Variants in NCAPD3 observed in about 807,000 individuals in gnomAD.
NCAPD3 encodes the protein non-SMC condensin II complex subunit D3, also known as condensin-2 complex subunit D3.
Under a neutral mutation model 182.9 loss-of-function variants are expected in NCAPD3, and 105 were observed. The observed-to-expected ratio is 0.57, with a 90% CI of 0.49 to 0.68. The LOEUF is 0.68. NCAPD3 is among the 30% of genes least tolerant of loss of function. The pLI is 0.00. For missense variants in NCAPD3, 1,944 were observed against 1,837.0 expected (o/e 1.06, Z -1.07); for synonymous variants, 815 against 679.9 (o/e 1.20, Z -3.09).
intron 3 of NCAPD3, among the ~76,000 whole-genome samples, chr11:134,212,772 G>A (rs186909524): frequency 1.3e-5 from 2 of 152,260 alleles, no homozygotes; most frequent in Admixed American, 1.3e-4. Flanking sequence ...ACTGTGAGAA[G>A]TGCCTACTGC....
chr11:134,192,540 C>T lies in NCAPD3; in HGVS notation c.2045+149G>A, dbSNP rs573737361. ...TAAAAATATCTAAGAGATTGGAAGT[C>T]AGTCAGGGAAAGAGAGACCAATACT... On this transcript the variant is annotated intron_variant, in intron 16 of 34. Transcript: ENST00000534548. 1,170 of 659,278 alleles carry T rather than the reference C, an allele frequency of 1.8e-3. 15 individuals are homozygous for T. The South Asian group carries it at 0.018, about 10-fold the overall frequency. 40.8% of individuals were successfully genotyped at this position (659,278 alleles called of 1,614,324 possible).
rs776227116 is a variant in NCAPD3, at chr11:134,168,523, A to G, written c.3319T>C (p.Phe1107Leu). Reference sequence around the variant, plus strand: ...ATGTTGAATCGCTGTTCATCTGTGAAGTGCTCTAGAAGAAATTTGTAGATT... The same window carrying G: ...ATGTTGAATCGCTGTTCATCTGTGAGGTGCTCTAGAAGAAATTTGTAGATT... The part of the protein sequence containing the change: ...MKIYKFLLEH[F>L]TDEQRFNITS... Residue 1107 changes from phenylalanine to leucine, a missense_variant, in exon 26 of 35, where the codon TTC becomes CTC. Physicochemically the swap from Phe to Leu is conservative, Grantham distance 22. Around this residue, in one of 3 missense-constraint regions of NCAPD3, gnomAD observed 1,803 missense variants for 1,674.6 expected, o/e 1.08. Transcript: ENST00000534548. The G allele has an allele frequency of 3.7e-6, 6 of 1,614,222 alleles. No individual in the cohort carries two copies. The highest frequency in any genetic ancestry group is 5.1e-6 in the Non-Finnish European group (6 of 1,180,028).
chr11:134,205,343 T>G (rs117678422), intron 8 of NCAPD3, among the ~76,000 whole-genome samples: 1 of 152,140 alleles, frequency 6.6e-6, no homozygotes, highest in East Asian at 1.9e-4. Context: ...AATGCATTAG[T>G]AACATTACTT....
Position 134,177,388 on chromosome 11 carries a change from ACCT to A in NCAPD3, c.2849_2851del (p.Glu950del). 6.2e-7 allele frequency: 1 copy of A among 1,614,228 alleles called. No individual in the cohort carries two copies. The highest frequency in any genetic ancestry group is 8.5e-7 in the Non-Finnish European group (1 of 1,180,042). ...GTTGCGGACAGCCACGTCCTCACAC[ACCT>A]CGAGCTCTCGCACCAGGGCTGGGAT... On this transcript the variant is annotated inframe_deletion, in exon 23 of 35. Coordinates refer to ENST00000534548, the MANE Select transcript of NCAPD3 (RefSeq NM_015261.3).
In NCAPD3 at chr11:134,184,965, A is replaced by G. The variant is rs776363092; in HGVS notation, c.2273T>C (p.Ile758Thr). 7.4e-6 allele frequency: 12 copies of G among 1,613,808 alleles called. No individual in the cohort carries two copies. The highest frequency in any genetic ancestry group is 1.6e-4 in the Middle Eastern group (1 of 6,084). The part of the protein sequence containing the change: ...QNPNSNTLGH[I>T]LCVIGHIAKH... ...TGCAATATGCCCAATCACACAGAGA[A>G]TATGTCCTAAGGTGTTTGAATTGGG... is the stretch of plus-strand genomic sequence containing the variant. Residue 758 changes from isoleucine to threonine, a missense_variant, in exon 18 of 35, where the codon ATT becomes ACT. Physicochemically the swap from Ile to Thr is moderately conservative, Grantham distance 89 (BLOSUM62 -1). Around this residue, in one of 3 missense-constraint regions of NCAPD3, gnomAD observed 1,803 missense variants for 1,674.6 expected, o/e 1.08. Transcript: ENST00000534548.
chr11:134,199,307 T>A (rs1485929730), intron 13 of NCAPD3, among the ~76,000 whole-genome samples: 1 of 152,178 alleles, frequency 6.6e-6, no homozygotes, highest in East Asian at 1.9e-4. Context: ...AAAAGCTCTG[T>A]CTATCCTTTC....
rs1591838458 is a variant in NCAPD3 at position 134,178,939 on chromosome 11, A to G, written c.2560-3T>C. ...CCTAAGGTAAAAATGTACTTCACCT[A>G]CAAAGATAATTGGTTTTACAGTAAA... On this transcript the variant is annotated splice_polypyrimidine_tract_variant and splice_region_variant and intron_variant, in intron 20 of 34. Coordinates refer to ENST00000534548, the MANE Select transcript of NCAPD3 (RefSeq NM_015261.3). 4 of 1,602,986 alleles carry G rather than the reference A, an allele frequency of 2.5e-6. No homozygotes were observed. In the East Asian group the frequency reaches 8.9e-5, roughly 36 times the overall value.
chr11:134,202,129 C>T (rs1944762564), intron 13 of NCAPD3, among the ~76,000 whole-genome samples: 1 of 152,186 alleles, frequency 6.6e-6, no homozygotes, highest in Non-Finnish European at 1.5e-5. Context: ...CGGGAAGGAC[C>T]AGATCAAGGT....
intron 24 of NCAPD3, 113 bp downstream of exon 24, chr11:134,176,194 G>T: frequency 1.1e-6 from 1 of 890,290 alleles, no homozygotes; most frequent in Non-Finnish European, 1.8e-6. Flanking sequence ...GGCACCTACC[G>T]AAAGCTCACT....
At chr11:134,178,960 G>T in intron 20 of NCAPD3, 24 bp from the exon 21 acceptor site, 4 of 1,537,384 alleles carry the variant, frequency 2.6e-6, no homozygotes, top group Non-Finnish European at 2.7e-6. Flanking sequence ...TGGTTTTACA[G>T]TAAAAATAAG....
At chr11:134,210,883 T>C (rs1396208549) in intron 3 of NCAPD3, among the ~76,000 whole-genome samples, 2 of 152,148 alleles carry the variant, frequency 1.3e-5, no homozygotes, top group African/African-American at 2.4e-5. Flanking sequence ...ATTATAATGG[T>C]CTTACTATGT....
intron 3 of NCAPD3, among the ~76,000 whole-genome samples, chr11:134,212,029 A>T (rs1483990817): frequency 6.6e-6 from 1 of 152,192 alleles, no homozygotes; most frequent in East Asian, 1.9e-4. Context: ...GCACAGAGGC[A>T]ATCACAACAA....
intron 19 of NCAPD3, among the ~76,000 whole-genome samples, chr11:134,181,449 C>T (rs1489644497): frequency 2.0e-5 from 3 of 152,104 alleles, no homozygotes; most frequent in Non-Finnish European, 2.9e-5. Context: ...GAGCAAAAGG[C>T]CAAATATTTA....
intron 24 of NCAPD3, among the ~76,000 whole-genome samples, chr11:134,174,212 T>C (rs1478049982): frequency 2.0e-5 from 3 of 150,922 alleles, no homozygotes; most frequent in East Asian, 3.9e-4. Flanking sequence ...CAAAAACGTG[T>C]CTCTACAAAA....
chr11:134,220,499 T>G, intron 2 of NCAPD3, 73 bp downstream of exon 2: 1 of 1,437,484 alleles, frequency 7.0e-7, no homozygotes, highest in Non-Finnish European at 9.6e-7. Flanking sequence ...AAGCTAAGCT[T>G]CAGATTATAA....
rs61745219 is a variant in NCAPD3 at position 134,156,798 on chromosome 11, G to C, written c.4252+220C>G. The C allele has an allele frequency of 5.3e-4, 229 of 435,054 alleles. 2 individuals carry two copies. The highest frequency in any genetic ancestry group is 4.2e-3 in the African/African-American group (206 of 49,584). 26.9% of individuals were successfully genotyped at this position (435,054 alleles called of 1,614,324 possible). ...TGCTCCGCGGGCCACTGTGGTGTTT[G>C]ACTGACTGAATGTAACGACACTGGA... On this transcript the variant is annotated intron_variant, in intron 32 of 34. Coordinates refer to ENST00000534548, the MANE Select transcript of NCAPD3 (RefSeq NM_015261.3).
rs192496812 is a variant in NCAPD3 at position 134,170,038 on chromosome 11, C to T, written c.3102-984G>A. On this transcript the variant is annotated intron_variant, in intron 24 of 34. Transcript: ENST00000534548. The stretch of plus-strand genomic sequence containing the variant: ...TGTGTAGGAGACTGACTTCTCCTTT[C>T]CCCAGTGGTGCTCCTTATGCCAAAA... 2.5e-3 allele frequency among the ~76,000 whole-genome samples: 375 copies of T among 152,296 alleles called. 1 individual carries two copies. The Middle Eastern group carries it at 0.027, about 11-fold the overall frequency.
chr11:134,164,232 C>G (rs1320009478), intron 27 of NCAPD3, among the ~76,000 whole-genome samples: 1 of 152,216 alleles, frequency 6.6e-6, no homozygotes, highest in African/African-American at 2.4e-5. Flanking sequence ...CAACAAAAGC[C>G]TCAGCCTGAC....
chr11:134,153,310 G>A lies in NCAPD3; in HGVS notation c.4306C>T (p.Arg1436Trp), dbSNP rs1943315323. Residue 1436 changes from arginine to tryptophan, a missense_variant, in exon 33 of 35, where the codon CGG (arginine) becomes TGG (tryptophan). Around this residue, in one of 3 missense-constraint regions of NCAPD3, gnomAD observed 1,803 missense variants for 1,674.6 expected, o/e 1.08. Transcript: ENST00000534548. ...TTGCCTTTGGCTGACGACGGAGTCCGTGGTGTCCCGATGTAACTGACCCCT... is the reference window on the plus strand; with the variant it reads ...TTGCCTTTGGCTGACGACGGAGTCCATGGTGTCCCGATGTAACTGACCCCT... ...GAGVSYIGTP[R>W]TPSSAKEKIE... 5.6e-6 allele frequency: 9 copies of A among 1,614,194 alleles called. No homozygotes were observed. The highest frequency in any genetic ancestry group is 1.6e-4 in the Middle Eastern group (1 of 6,062).
Sources: gnomAD v4.1 joint callset for allele counts (sites outside exome capture counted in the v4.1 genomes callset) on GRCh38, gnomAD v4.1.1 for gene constraint, gnomAD v4.1.1 regional missense constraint, MANE v1.5 for transcripts, NCBI Gene and HGNC (gene_info 2026-07-23, HGNC 2026-07-21) for gene names.